RAB31: variants seen among roughly 807,000 people sequenced by gnomAD.
RAB31 encodes RAB31, member RAS oncogene family.
Under a neutral mutation model 25.6 loss-of-function variants are expected in RAB31, and 21 were observed. The ratio of observed to expected loss-of-function variants is 0.82; its 90% CI spans 0.58 to 1.18. The LOEUF is 1.18. Among genes scored for constraint, RAB31 ranks in the 50% most tolerant of loss-of-function variants. The pLI is 0.00. For synonymous variants in RAB31, 87 were observed against 84.0 expected (o/e 1.04, Z -0.20); for missense variants, 196 against 250.1 (o/e 0.78, Z 1.46).
intron 6 of RAB31, among the ~76,000 whole-genome samples, chr18:9,852,282 T>C (rs1466902941): frequency 6.6e-6 from 1 of 152,238 alleles, no homozygotes; most frequent in Non-Finnish European, 1.5e-5. Flanking sequence ...ATGACAACTA[T>C]GTTATCATAT....
chr18:9,860,861 C>T lies in RAB31; in HGVS notation c.*1536C>T, dbSNP rs1455627027. On this transcript the variant is annotated 3_prime_UTR_variant, in exon 7 of 7. Transcript: ENST00000578921. ...TCAGTAACTCAGCACGCTTCCACTT[C>T]ACTCAACTTAAGAGAGTTCATTGAC... 2.0e-5 allele frequency: 3 copies of T among 152,204 alleles called. No individual in the cohort carries two copies. The highest frequency in any genetic ancestry group is 1.3e-4 in the Admixed American group (2 of 15,286). The allele number at this position is 152,204 out of a possible 1,614,324, so 9.4% of individuals were successfully genotyped here. A position where few individuals can be genotyped will look rare whatever the true frequency, so the allele number is the denominator to read the frequency against.
intron 1 of RAB31, among the ~76,000 whole-genome samples, chr18:9,751,177 G>A (rs1189111686): frequency 2.0e-5 from 3 of 151,918 alleles, no homozygotes; most frequent in African/African-American, 4.8e-5. Context: ...GGGACTATAC[G>A]CATGCACCAC....
chr18:9,855,035 G>A (rs1246642797), intron 6 of RAB31, among the ~76,000 whole-genome samples: 5 of 152,200 alleles, frequency 3.3e-5, no homozygotes, highest in African/African-American at 9.6e-5. Context: ...GAGAATCAGC[G>A]CTTGCGCAGG....
At chr18:9,743,505 A>T (rs1222867700) in intron 1 of RAB31, among the ~76,000 whole-genome samples, 1 of 152,128 alleles carries the variant, frequency 6.6e-6, no homozygotes, top group Non-Finnish European at 1.5e-5. Flanking sequence ...TTGGTTAGGG[A>T]GGTAGCACCT....
chr18:9,709,491 G>A (rs193284723), intron 1 of RAB31, among the ~76,000 whole-genome samples: 107 of 152,328 alleles, frequency 7.0e-4, no homozygotes, highest in African/African-American at 2.4e-3. Context: ...CAAGATGGGG[G>A]TACAAGAACT....
intron 5 of RAB31, among the ~76,000 whole-genome samples, chr18:9,842,648 C>T (rs1417702238): frequency 6.6e-6 from 1 of 152,202 alleles, no homozygotes; most frequent in Non-Finnish European, 1.5e-5. Flanking sequence ...TCCTGCCCCG[C>T]CCCACCCCAA....
chr18:9,797,014 A>C (rs1195472669), intron 3 of RAB31, among the ~76,000 whole-genome samples: 1 of 152,238 alleles, frequency 6.6e-6, no homozygotes, highest in Admixed American at 6.5e-5. Flanking sequence ...ACAAATGCTA[A>C]CCTCATTAGA....
chr18:9,773,037 C>G (rs1448017713), intron 1 of RAB31, among the ~76,000 whole-genome samples: 2 of 152,172 alleles, frequency 1.3e-5, no homozygotes, highest in Non-Finnish European at 2.9e-5. Context: ...CCTCTTTGAA[C>G]TCTGTGCATC....
intron 2 of RAB31, among the ~76,000 whole-genome samples, chr18:9,788,637 G>C (rs1265279011): frequency 3.3e-5 from 5 of 152,226 alleles, no homozygotes; most frequent in Admixed American, 3.3e-4. Flanking sequence ...CAACAGCCAA[G>C]CTATGAAATC....
intron 1 of RAB31, chr18:9,722,715 C>T (rs553367086): frequency 6.6e-6 from 1 of 152,106 alleles, no homozygotes; most frequent in Non-Finnish European, 1.5e-5. Flanking sequence ...CCTGAGAAAC[C>T]CTGCTCTAAC....
intron 5 of RAB31, among the ~76,000 whole-genome samples, chr18:9,824,228 ATG>A (rs767461280): frequency 3.0e-3 from 432 of 145,414 alleles, no homozygotes; most frequent in African/African-American, 0.01. Flanking sequence ...GTGTGTGTGT[ATG>A]TGTGTGTGTA....
chr18:9,760,698 G>A (rs1398707456), intron 1 of RAB31, among the ~76,000 whole-genome samples: 1 of 152,158 alleles, frequency 6.6e-6, no homozygotes, highest in Non-Finnish European at 1.5e-5. Flanking sequence ...AATCTGCAGG[G>A]TGGAAGAACA....
chr18:9,842,115 G>A (rs2068737373), intron 5 of RAB31, among the ~76,000 whole-genome samples: 1 of 152,178 alleles, frequency 6.6e-6, no homozygotes. Context: ...AGTGGGACAA[G>A]GAGCTTCCAG....
At chr18:9,838,909 A>C (rs1390901977) in intron 5 of RAB31, among the ~76,000 whole-genome samples, 1 of 151,836 alleles carries the variant, frequency 6.6e-6, no homozygotes, top group Non-Finnish European at 1.5e-5. Flanking sequence ...CACTCACCAC[A>C]CTTCCCACTA....
intron 6 of RAB31, among the ~76,000 whole-genome samples, chr18:9,854,425 T>A (rs559597080): frequency 1.3e-5 from 2 of 152,256 alleles, no homozygotes; most frequent in African/African-American, 4.8e-5. Flanking sequence ...TTGGTCTCTG[T>A]CTTGACTCTC....
intron 6 of RAB31, among the ~76,000 whole-genome samples, chr18:9,846,030 T>G (rs1842105955): frequency 6.6e-6 from 1 of 152,222 alleles, no homozygotes; most frequent in African/African-American, 2.4e-5. Flanking sequence ...GGTATAGAAC[T>G]CAAGGTCACC....
intron 6 of RAB31, chr18:9,855,986 A>G (rs1010134966): frequency 6.6e-6 from 1 of 152,152 alleles, no homozygotes; most frequent in African/African-American, 2.4e-5. Flanking sequence ...CATTCGTTCT[A>G]TAGGTGAACA....
At chr18:9,776,140 G>A (rs12965011) in intron 2 of RAB31, among the ~76,000 whole-genome samples, 94,349 of 151,956 alleles carry the variant, frequency 0.62, 29,536 homozygotes, top group Admixed American at 0.69. Context: ...TGTGTGGGGA[G>A]GGGTGGAAGT....
At chr18:9,827,339 A>T (rs1230702832) in intron 5 of RAB31, among the ~76,000 whole-genome samples, 1 of 152,064 alleles carries the variant, frequency 6.6e-6, no homozygotes, top group South Asian at 2.1e-4. Flanking sequence ...ATTTTATCTT[A>T]CAAGTGGTAG....
Sources: gnomAD v4.1 joint callset for allele counts (sites outside exome capture counted in the v4.1 genomes callset) on GRCh38, gnomAD v4.1.1 for gene constraint, MANE v1.5 for transcripts, NCBI Gene and HGNC (gene_info 2026-07-23, HGNC 2026-07-21) for gene names.